The following ACTR2 variants were observed in gnomAD, a reference collection of about 807,000 sequenced individuals.
ACTR2 encodes the protein actin-related protein 2.
A neutral mutation model predicts 50.2 loss-of-function variants in ACTR2; 5 were observed. The ratio of observed to expected loss-of-function variants is 0.10; its 90% CI spans 0.05 to 0.21. The LOEUF (loss-of-function observed/expected upper bound fraction) is 0.21. Among genes scored for constraint, ACTR2 ranks in the 10% least tolerant of loss-of-function variants. The pLI is 1.00. For missense variants in ACTR2, 180 were observed against 480.6 expected (o/e 0.37, Z 5.85); for synonymous variants, 140 against 162.9 (o/e 0.86, Z 1.07).
intron 7 of ACTR2, among the ~76,000 whole-genome samples, chr2:65,264,668 G>A (rs2287064): frequency 0.32 from 48,182 of 152,006 alleles, 8,326 homozygotes; most frequent in East Asian, 0.72. Flanking sequence ...TAAAAAGCAG[G>A]AATTCTGGAT....
At chr2:65,239,584 G>A (rs1671805261) in intron 1 of ACTR2, among the ~76,000 whole-genome samples, 1 of 152,240 alleles carries the variant, frequency 6.6e-6, no homozygotes, top group Non-Finnish European at 1.5e-5. Flanking sequence ...GCTCAGCTTA[G>A]CTCCCTGCTC....
At chr2:65,238,919 G>C (rs1311975126) in intron 1 of ACTR2, among the ~76,000 whole-genome samples, 2 of 152,022 alleles carry the variant, frequency 1.3e-5, no homozygotes, top group Non-Finnish European at 2.9e-5. Flanking sequence ...AGTGAGCTGA[G>C]ATCACGCCAC....
intron 7 of ACTR2, among the ~76,000 whole-genome samples, chr2:65,262,776 T>C (rs1037731391): frequency 1.3e-5 from 2 of 151,880 alleles, no homozygotes; most frequent in African/African-American, 2.4e-5. Context: ...GGGCAACATA[T>C]GGAGATCCTG....
At chr2:65,262,992 T>TAAA (rs11412556) in intron 7 of ACTR2, among the ~76,000 whole-genome samples, 1 of 146,024 alleles carries the variant, frequency 6.8e-6, no homozygotes, top group East Asian at 2.0e-4. Flanking sequence ...AGAAAGTTCC[T>TAAA]AAAAAAAAAA....
In ACTR2 at chr2:65,268,759, C is replaced by T; in HGVS notation, c.*25C>T. 3.1e-6 allele frequency: 5 copies of T among 1,599,290 alleles called. No homozygotes were observed. The highest frequency in any genetic ancestry group is 4.3e-6 in the Non-Finnish European group (5 of 1,173,048). On this transcript the variant is annotated 3_prime_UTR_variant, in exon 9 of 9. Transcript: ENST00000260641. Reference sequence around the variant, plus strand: ...AACTCCAAAGCTTGTTCCCGTCATACCCGTAATGCTTTCTTTTTTCCTTTA... The same window carrying T: ...AACTCCAAAGCTTGTTCCCGTCATATCCGTAATGCTTTCTTTTTTCCTTTA...
chr2:65,242,804 A>G (rs995811772), intron 2 of ACTR2, among the ~76,000 whole-genome samples: 1 of 152,086 alleles, frequency 6.6e-6, no homozygotes, highest in African/African-American at 2.4e-5. Flanking sequence ...ATACTTTTCA[A>G]GTTTGTTTTT....
At chr2:65,234,316 T>A (rs1671698421) in intron 1 of ACTR2, among the ~76,000 whole-genome samples, 1 of 152,246 alleles carries the variant, frequency 6.6e-6, no homozygotes, top group Non-Finnish European at 1.5e-5. Context: ...ATACCCTGTA[T>A]GAAAACTGGT....
chr2:65,261,727 A>G (rs923394957), intron 7 of ACTR2, among the ~76,000 whole-genome samples: 1 of 152,146 alleles, frequency 6.6e-6, no homozygotes, highest in Admixed American at 6.5e-5. Context: ...AGTCATGCTG[A>G]TTTCAGATCC....
At chr2:65,268,275 GA>G (rs1672422747) in intron 8 of ACTR2, among the ~76,000 whole-genome samples, 1 of 152,102 alleles carries the variant, frequency 6.6e-6, no homozygotes, top group Non-Finnish European at 1.5e-5. Context: ...GTAATTTACT[GA>G]TCAAATTAGG....
At chr2:65,251,940 T>TA (rs368051258) in intron 4 of ACTR2, among the ~76,000 whole-genome samples, 4 of 151,854 alleles carry the variant, frequency 2.6e-5, no homozygotes, top group Admixed American at 2.6e-4. Context: ...TTTTTTTTTT[T>TA]ATGGTCTTAT....
At chr2:65,250,789 CTT>C (rs1432880177) in intron 3 of ACTR2, among the ~76,000 whole-genome samples, 1 of 151,246 alleles carries the variant, frequency 6.6e-6, no homozygotes, top group African/African-American at 2.4e-5. Flanking sequence ...ACTAAGAAAT[CTT>C]TGCTTTGTCA....
intron 5 of ACTR2, among the ~76,000 whole-genome samples, chr2:65,255,188 G>A (rs1050303428): frequency 6.6e-6 from 1 of 152,082 alleles, no homozygotes; most frequent in Non-Finnish European, 1.5e-5. Context: ...TTAATTGTGT[G>A]AGCAAACTGC....
chr2:65,234,423 G>A (rs1045557976), intron 1 of ACTR2, among the ~76,000 whole-genome samples: 1 of 152,106 alleles, frequency 6.6e-6, no homozygotes, highest in African/African-American at 2.4e-5. Flanking sequence ...TGAATGAAAA[G>A]TCTTTTTTTT....
chr2:65,255,400 T>C lies in ACTR2; in HGVS notation c.586-145T>C, dbSNP rs1265975839. ...ATAAATCCTTTTATGGCGGATAAAA[T>C]CCTGCTTCTGAAATAGTAGGAGCTG... On this transcript the variant is annotated intron_variant, in intron 5 of 8. Transcript: ENST00000260641. The C allele has an allele frequency of 1.3e-5, 8 of 622,610 alleles. No homozygotes were observed. In the East Asian group the frequency reaches 1.9e-4, roughly 15 times the overall value. 38.6% of individuals were successfully genotyped at this position (622,610 alleles called of 1,614,324 possible).
Position 65,268,870 on chromosome 2 carries a change from G to A in ACTR2, c.*136G>A. 1 of 952,006 alleles carries A rather than the reference G, an allele frequency of 1.1e-6. No homozygotes were observed. The highest frequency in any genetic ancestry group is 1.6e-6 in the Non-Finnish European group (1 of 639,982). The allele number at this position is 952,006 out of a possible 1,614,324, so 59.0% of individuals were successfully genotyped here. A position where few individuals can be genotyped will look rare whatever the true frequency, so the allele number is the denominator to read the frequency against. ...ACTGGAAAGGTCAAGTTTTATTCTGGTGTCTTGGGGAAGCTTTGTTAAATT... is the reference window on the plus strand; with the variant it reads ...ACTGGAAAGGTCAAGTTTTATTCTGATGTCTTGGGGAAGCTTTGTTAAATT... On this transcript the variant is annotated 3_prime_UTR_variant, in exon 9 of 9. Coordinates refer to ENST00000260641, the MANE Select transcript of ACTR2 (RefSeq NM_005722.4).
At chr2:65,241,894 T>C (rs1244359015) in intron 2 of ACTR2, 7 of 789,630 alleles carry the variant, frequency 8.9e-6, no homozygotes, top group Non-Finnish European at 1.3e-5. Flanking sequence ...CCCTAATTAT[T>C]AACTCCATTA....
chr2:65,255,765 G>C (rs376129739), intron 6 of ACTR2, 71 bp downstream of exon 6: 3 of 1,402,086 alleles, frequency 2.1e-6, no homozygotes, highest in African/African-American at 2.9e-5. Context: ...GTCAGCTTAA[G>C]GAGGTTTTCT....
intron 6 of ACTR2, among the ~76,000 whole-genome samples, chr2:65,256,854 A>C (rs2104011480): frequency 6.8e-6 from 1 of 146,606 alleles, no homozygotes; most frequent in East Asian, 2.0e-4. Flanking sequence ...CCTGGGTGAC[A>C]GAGCAAGACT....
intron 3 of ACTR2, among the ~76,000 whole-genome samples, chr2:65,249,137 T>C (rs1671996614): frequency 6.6e-6 from 1 of 152,236 alleles, no homozygotes; most frequent in Admixed American, 6.5e-5. Flanking sequence ...AAGGTTCTTT[T>C]ATTTTTGTAT....
Sources: allele counts gnomAD v4.1 joint callset (sites outside exome capture counted in the v4.1 genomes callset), GRCh38; gene constraint gnomAD v4.1.1; transcripts MANE v1.5; gene names NCBI Gene and HGNC (gene_info 2026-07-23, HGNC 2026-07-21).